The following FBXL19 variants were observed in gnomAD, a reference collection of about 807,000 sequenced individuals.
The protein encoded by FBXL19 is F-box and leucine rich repeat protein 19.
Under a neutral mutation model 71.2 loss-of-function variants are expected in FBXL19, and 16 were observed. The observed-to-expected ratio is 0.22, with a 90% CI of 0.15 to 0.34. The LOEUF (loss-of-function observed/expected upper bound fraction) is 0.34. Ranked by LOEUF, FBXL19 falls within the 10% of genes least tolerant of loss-of-function variation. FBXL19 has a pLI of 1.00. For missense variants in FBXL19, 658 were observed against 968.2 expected (o/e 0.68, Z 4.25); for synonymous variants, 447 against 409.4 (o/e 1.09, Z -1.11).
rs1198965627 is a variant in FBXL19, at chr16:30,930,489, C to T, written c.1206C>T (p.His402=). The part of the protein sequence containing the change: ...DTLPLAAGSD[H]PLPRAAWLRV... ...TCCCCTTGGCTGCTGGATCCGACCA[C>T]CCCCTGCCCCGGGCCGCCTGGCTTC... Residue 402 remains histidine (H), a synonymous_variant, in exon 7 of 11, where the codon CAC becomes CAT. Coordinates refer to ENST00000338343, the MANE Select transcript of FBXL19 (RefSeq NM_001382779.1). This position sits in a 1 kb window ranked among gnomAD's most constrained non-coding sequence, Gnocchi z 8.5. 5 of 1,532,012 alleles carry T rather than the reference C, an allele frequency of 3.3e-6. No individual in the cohort carries two copies. The highest frequency in any genetic ancestry group is 8.7e-7 in the Non-Finnish European group (1 of 1,145,032). The allele number at this position is 1,532,012 out of a possible 1,614,324, so 94.9% of individuals were successfully genotyped here.
rs977924197 is a variant in FBXL19, at chr16:30,947,944, C to T, written c.*714C>T. 6.8e-6 allele frequency: 3 copies of T among 444,354 alleles called. No individual in the cohort carries two copies. Among genetic ancestry groups the T allele is most frequent in the African/African-American group, 2.0e-5 (1 of 49,650 alleles). 27.5% of individuals were successfully genotyped at this position (444,354 alleles called of 1,614,324 possible). A position where few individuals can be genotyped will look rare whatever the true frequency, so the allele number is the denominator to read the frequency against. Reference sequence around the variant, plus strand: ...GGCCGCGGGCAGCCGCTCTTCAGCTCGCGGCCCAGGGGAGTGGCGAGGGGC... The same window carrying T: ...GGCCGCGGGCAGCCGCTCTTCAGCTTGCGGCCCAGGGGAGTGGCGAGGGGC... On this transcript the variant is annotated 3_prime_UTR_variant, in exon 11 of 11. Coordinates refer to ENST00000338343, the MANE Select transcript of FBXL19 (RefSeq NM_001382779.1).
chr16:30,936,601 CTTTTTTTTT>C (rs547272418), intron 7 of FBXL19, among the ~76,000 whole-genome samples: 16 of 118,194 alleles, frequency 1.4e-4, no homozygotes, highest in African/African-American at 4.9e-4. Flanking sequence ...AATTTTTTTT[CTTTTTTTTT>C]TTTTTTTTTT....
Position 30,930,180 on chromosome 16 carries a change from G to A in FBXL19, c.897G>A (p.Arg299=). 1.2e-6 allele frequency: 2 copies of A among 1,613,296 alleles called. No individual in the cohort carries two copies. Among genetic ancestry groups the A allele is most frequent in the Non-Finnish European group, 1.7e-6 (2 of 1,179,880 alleles). ...RFKRMCQLLE[R]VPDTSSSSSD... is the part of the protein sequence containing the mutation. The stretch of plus-strand genomic sequence containing the variant: ...AGCGGATGTGCCAGCTGCTGGAACG[G>A]GTGCCTGACACCTCCTCTTCCTCCT... Residue 299 remains arginine (R), a synonymous_variant, in exon 7 of 11, where the codon CGG becomes CGA. Coordinates refer to ENST00000338343, the MANE Select transcript of FBXL19 (RefSeq NM_001382779.1). This position sits in a 1 kb window ranked among gnomAD's most constrained non-coding sequence, Gnocchi z 8.5.
At chr16:30,940,877 G>C (rs527761423) in intron 7 of FBXL19, among the ~76,000 whole-genome samples, 4 of 152,120 alleles carry the variant, frequency 2.6e-5, no homozygotes, top group African/African-American at 9.6e-5. Flanking sequence ...TAGTAGAACA[G>C]CCAGGCTGTT....
intron 7 of FBXL19, among the ~76,000 whole-genome samples, chr16:30,941,070 G>C (rs2055797238): frequency 6.6e-6 from 1 of 152,134 alleles, no homozygotes; most frequent in South Asian, 2.1e-4. Context: ...TTCAATACTT[G>C]GGACCTATAA....
upstream of FBXL19, chr16:30,923,406 C>T (rs775777662): frequency 2.8e-6 from 1 of 360,038 alleles, no homozygotes; most frequent in South Asian, 2.0e-5. Context: ...CATCAGTGGC[C>T]GCAGGACTAC....
rs903453852 is a variant in FBXL19, at chr16:30,923,644, G to C, written c.-840G>C. 2.6e-5 allele frequency among the ~76,000 whole-genome samples: 4 copies of C among 151,514 alleles called. No individual in the cohort carries two copies. The highest frequency in any genetic ancestry group is 9.7e-5 in the African/African-American group (4 of 41,262). Reference sequence around the variant, plus strand: ...CCAGGGCCCCGGGCCGTAGCAGCGCGGGGCTGGGGGACCAGGGGGGCTGAG... The same window carrying C: ...CCAGGGCCCCGGGCCGTAGCAGCGCCGGGCTGGGGGACCAGGGGGGCTGAG... On this transcript the variant is annotated 5_prime_UTR_variant, in exon 1 of 11. Coordinates refer to ENST00000338343, the MANE Select transcript of FBXL19 (RefSeq NM_001382779.1).
In FBXL19 at chr16:30,948,676, A is replaced by C. The variant is rs1242276405; in HGVS notation, c.*1446A>C. The C allele has an allele frequency of 6.6e-6, 1 of 151,726 alleles. No homozygotes were observed. Among genetic ancestry groups the C allele is most frequent in the Non-Finnish European group, 1.5e-5 (1 of 68,032 alleles). The allele number at this position is 151,726 out of a possible 1,614,324, so 9.4% of individuals were successfully genotyped here. On this transcript the variant is annotated 3_prime_UTR_variant, in exon 11 of 11. Coordinates refer to ENST00000338343, the MANE Select transcript of FBXL19 (RefSeq NM_001382779.1). ...GAGAATGGGGCCGCTTGGGGGAGGG[A>C]AGAGGCAGCCCGGCGAGGGGCAAGC... is the stretch of plus-strand genomic sequence containing the variant.
intron 7 of FBXL19, among the ~76,000 whole-genome samples, chr16:30,932,272 G>A (rs1429642988): frequency 6.6e-6 from 1 of 152,182 alleles, no homozygotes; most frequent in Non-Finnish European, 1.5e-5. Flanking sequence ...TCAGGCCTCA[G>A]AATGTAGATC....
chr16:30,940,590 G>C (rs990233528), intron 7 of FBXL19, among the ~76,000 whole-genome samples: 1 of 152,102 alleles, frequency 6.6e-6, no homozygotes, highest in African/African-American at 2.4e-5. Context: ...ATTACCTTGG[G>C]AGAGGTGGGG....
intron 1 of FBXL19, chr16:30,924,834 T>C: frequency 7.8e-7 from 1 of 1,286,572 alleles, no homozygotes; most frequent in South Asian, 2.0e-5. Context: ...AGGATCTGGT[T>C]TCCATGGGAG....
chr16:30,928,148 G>GA, intron 5 of FBXL19, among the ~76,000 whole-genome samples, 185 bp downstream of exon 5: 1 of 151,636 alleles, frequency 6.6e-6, no homozygotes, highest in South Asian at 2.1e-4. Flanking sequence ...GAGGAGGGGG[G>GA]GGACAGGTGA....
At chr16:30,922,912 C>G, upstream of FBXL19, 2 of 396,978 alleles carry the variant, frequency 5.0e-6, no homozygotes, top group East Asian at 7.3e-5. Flanking sequence ...CCGGGAGAGG[C>G]TAGGTAGCCT....
At chr16:30,931,982 C>T (rs1046111881) in intron 7 of FBXL19, among the ~76,000 whole-genome samples, 1 of 151,126 alleles carries the variant, frequency 6.6e-6, no homozygotes, top group Non-Finnish European at 1.5e-5. Flanking sequence ...CTGAAGCGAT[C>T]CGCCCGCCTC....
At chr16:30,934,573 G>A (rs1267427117) in intron 7 of FBXL19, among the ~76,000 whole-genome samples, 1 of 152,058 alleles carries the variant, frequency 6.6e-6, no homozygotes, top group Non-Finnish European at 1.5e-5. Context: ...CAGGAGAATC[G>A]CTTGAACCCG....
chr16:30,929,989 T>A, intron 6 of FBXL19, 84 bp from the exon 7 acceptor site: 1 of 1,519,564 alleles, frequency 6.6e-7, no homozygotes, highest in Admixed American at 1.9e-5. Flanking sequence ...CTCGGGCTGT[T>A]CATCCCCTGG....
At chr16:30,933,486 G>C (rs1306319102) in intron 7 of FBXL19, among the ~76,000 whole-genome samples, 1 of 151,728 alleles carries the variant, frequency 6.6e-6, no homozygotes, top group South Asian at 2.1e-4. Flanking sequence ...GTCTCTCTCT[G>C]TTGCCCAGGC....
At chr16:30,929,633 G>A (rs546812823) in intron 6 of FBXL19, among the ~76,000 whole-genome samples, 2 of 152,160 alleles carry the variant, frequency 1.3e-5, no homozygotes, top group African/African-American at 2.4e-5. Context: ...ATCTCGGCCC[G>A]CTGAAACCTC....
At chr16:30,927,249 A>C (rs972006737) in intron 2 of FBXL19, 59 bp from the exon 3 acceptor site, 59 of 1,490,076 alleles carry the variant, frequency 4.0e-5, no homozygotes, top group Non-Finnish European at 5.0e-5. Context: ...CCCTAGAAGG[A>C]AGGGTCTTTC....
Sources: allele counts gnomAD v4.1 joint callset (sites outside exome capture counted in the v4.1 genomes callset), GRCh38; gene constraint gnomAD v4.1.1; non-coding constraint Gnocchi (gnomAD v3.1); transcripts MANE v1.5; gene names NCBI Gene and HGNC (gene_info 2026-07-23, HGNC 2026-07-21).